The following CELF2 variants were observed in gnomAD, a reference collection of about 807,000 sequenced individuals.
CELF2 encodes CUG triplet repeat RNA-binding protein 2.
CELF2 carries 8 observed loss-of-function variants against 62.6 expected under a neutral mutation model. That is an observed-to-expected ratio of 0.13 (90% confidence interval 0.07 to 0.23). The LOEUF (loss-of-function observed/expected upper bound fraction) is 0.23. Among genes scored for constraint, CELF2 ranks in the 10% least tolerant of loss-of-function variants. CELF2 has a pLI of 1.00. For synonymous variants in CELF2, 258 were observed against 250.0 expected (o/e 1.03, Z -0.30); for missense variants, 333 against 671.0 (o/e 0.50, Z 5.56).
At chr10:11,073,104 T>C (rs1039846629) in intron 1 of CELF2, among the ~76,000 whole-genome samples, 4 of 152,162 alleles carry the variant, frequency 2.6e-5, no homozygotes, top group African/African-American at 9.7e-5. Flanking sequence ...TACCAAAATA[T>C]TAACATGTCA....
the CELF2 span, among the ~76,000 whole-genome samples, chr10:10,714,848 C>T: frequency 5.3e-5 from 8 of 151,300 alleles, no homozygotes; most frequent in African/African-American, 7.3e-5. Context: ...CCACTCCAAA[C>T]GAACTTAATA....
rs188069911 is a variant in CELF2 at position 11,064,848 on chromosome 10, T to C, written c.74+46685T>C. Among the ~76,000 whole-genome samples, 26 of 152,302 alleles carry C rather than the reference T, an allele frequency of 1.7e-4. No individual in the cohort carries two copies. In the East Asian group the frequency reaches 3.9e-3, roughly 23 times the overall value. On this transcript the variant is annotated intron_variant, in intron 1 of 12. Coordinates refer to ENST00000633077, the MANE Select transcript of CELF2 (RefSeq NM_001326342.2). ...TGCTTGAGCTGGGATAAACCTGGCA[T>C]AGTACAAACCCTCCGGTAGTCAGGG...
At chr10:10,767,664 C>T in the CELF2 span, among the ~76,000 whole-genome samples, 4 of 152,118 alleles carry the variant, frequency 2.6e-5, no homozygotes, top group Admixed American at 2.0e-4. Flanking sequence ...TGAATCACTT[C>T]ATCTTCAGAC....
intron 11 of CELF2, among the ~76,000 whole-genome samples, chr10:11,323,513 G>A (rs796561956): frequency 5.3e-4 from 80 of 151,952 alleles, no homozygotes; most frequent in African/African-American, 1.9e-3. Flanking sequence ...GCGAGACCTG[G>A]TGTGTTTTTT....
Position 11,217,497 on chromosome 10 carries a change from C to G in CELF2, c.344C>G (p.Thr115Ser). The G allele has an allele frequency of 4.3e-6, 7 of 1,609,250 alleles. No individual in the cohort carries two copies. Among genetic ancestry groups the G allele is most frequent in the Non-Finnish European group, 6.0e-6 (7 of 1,176,430 alleles). ...EAQNALHNIK[T>S]LPGMHHPIQM... ...CAGAATGCACTGCACAATATTAAAA[C>G]TTTACCTGGGGTGAGTCGGTTTACT... Residue 115 changes from threonine (T) to serine (S), a missense_variant, in exon 3 of 13, where the codon ACT becomes AGT. Around this residue, in one of 3 missense-constraint regions of CELF2, gnomAD observed 253 missense variants for 503.0 expected, o/e 0.50. Transcript: ENST00000633077. This position sits in a 1 kb window ranked among gnomAD's most constrained non-coding sequence, Gnocchi z 5.6.
Position 11,203,818 on chromosome 10 carries a change from C to T in CELF2, c.272-13607C>T, listed in dbSNP as rs117760504. On this transcript the variant is annotated intron_variant, in intron 2 of 12. Coordinates refer to ENST00000633077, the MANE Select transcript of CELF2 (RefSeq NM_001326342.2). ...GGACATCCCCTCTTGCCCCATGACCCGCGTTCTCACCATGGAAACTCTTAT... is the reference window on the plus strand; with the variant it reads ...GGACATCCCCTCTTGCCCCATGACCTGCGTTCTCACCATGGAAACTCTTAT... Among the ~76,000 whole-genome samples the T allele has an allele frequency of 9.9e-4, 151 of 152,310 alleles. 2 individuals carry two copies. In the East Asian group the frequency reaches 0.026, roughly 26 times the overall value.
chr10:10,818,749 G>A (rs1029500033), intron 1 of CELF2, among the ~76,000 whole-genome samples: 1 of 151,932 alleles, frequency 6.6e-6, no homozygotes, highest in African/African-American at 2.4e-5. Flanking sequence ...GCCAATTTTT[G>A]TGTTTTTTAG....
At chr10:10,755,807 A>C in the CELF2 span, among the ~76,000 whole-genome samples, 1 of 152,188 alleles carries the variant, frequency 6.6e-6, no homozygotes, top group Non-Finnish European at 1.5e-5. Flanking sequence ...CAGCCAGTAC[A>C]TTAATACAAC....
the CELF2 span, among the ~76,000 whole-genome samples, chr10:10,563,531 CCA>C: frequency 3.3e-5 from 5 of 151,242 alleles, no homozygotes; most frequent in Non-Finnish European, 5.9e-5. Flanking sequence ...TCGCTTGAAC[CCA>C]GGAGACGGAG....
At position 11,178,803 on chromosome 10, in the gene CELF2, GC is replaced by G. The variant is rs2072201049; in HGVS notation, c.271+13123del. 6.6e-6 allele frequency among the ~76,000 whole-genome samples: 1 copy of G among 152,208 alleles called. No homozygotes were observed. Among genetic ancestry groups the G allele is most frequent in the Admixed American group, 6.5e-5 (1 of 15,282 alleles). ...TCTGTGGCTTTCTCCCCCTGCATTAGCCGCAGAGCTGAGTGAGTCTATGAAA... is the reference window on the plus strand; with the variant it reads ...TCTGTGGCTTTCTCCCCCTGCATTAGCGCAGAGCTGAGTGAGTCTATGAAA... On this transcript the variant is annotated intron_variant, in intron 2 of 12. Transcript: ENST00000633077. This position sits in a 1 kb window ranked among gnomAD's most constrained non-coding sequence, Gnocchi z 4.3.
chr10:11,218,056 T>G (rs1057201265), intron 3 of CELF2, among the ~76,000 whole-genome samples: 4 of 152,252 alleles, frequency 2.6e-5, no homozygotes, highest in African/African-American at 9.6e-5. Flanking sequence ...ACAATTTTTT[T>G]CTCCGTTTCC....
chr10:11,073,093 A>G (rs2070675654), intron 1 of CELF2, among the ~76,000 whole-genome samples: 1 of 152,212 alleles, frequency 6.6e-6, no homozygotes, highest in Admixed American at 6.5e-5. Context: ...TAATATAATT[A>G]TACCAAAATA....
chr10:11,196,453 G>C (rs1161810576), intron 2 of CELF2, among the ~76,000 whole-genome samples: 1 of 151,318 alleles, frequency 6.6e-6, no homozygotes, highest in Non-Finnish European at 1.5e-5. Context: ...CTTAAGCCCA[G>C]GAGTTGGCAA....
chr10:10,619,734 A>G, the CELF2 span, among the ~76,000 whole-genome samples: 9 of 152,348 alleles, frequency 5.9e-5, no homozygotes, highest in East Asian at 1.4e-3. Flanking sequence ...AATCTTGAAG[A>G]TAGGAGAAGT....
At chr10:10,698,130 A>G in the CELF2 span, among the ~76,000 whole-genome samples, 1 of 152,220 alleles carries the variant, frequency 6.6e-6, no homozygotes, top group South Asian at 2.1e-4. Context: ...GTGTGATAAC[A>G]TCAAGCCATA....
At chr10:10,531,021 A>G in the CELF2 span, among the ~76,000 whole-genome samples, 1 of 152,176 alleles carries the variant, frequency 6.6e-6, no homozygotes, top group African/African-American at 2.4e-5. Flanking sequence ...TTAGCACATA[A>G]AATCATGGTT....
intron 5 of CELF2, among the ~76,000 whole-genome samples, chr10:11,263,776 T>G (rs2081395739): frequency 6.6e-6 from 1 of 152,326 alleles, no homozygotes; most frequent in African/African-American, 2.4e-5. Context: ...ACCCATGTGT[T>G]TTCAGTGGTG....
rs1480990956 is a variant in CELF2, at chr10:11,018,170, G to C, written c.74+7G>C. ...TGCTCGTTCCTGACAGAATGTGAGT[G>C]GCGCCGCGTCCCGAGGCCGGGCGAG... On this transcript the variant is annotated splice_region_variant and intron_variant, in intron 1 of 12. Transcript: ENST00000633077. 1 of 1,518,092 alleles carries C rather than the reference G, an allele frequency of 6.6e-7. No homozygotes were observed. The highest frequency in any genetic ancestry group is 8.9e-7 in the Non-Finnish European group (1 of 1,129,856). 94.0% of individuals were successfully genotyped at this position (1,518,092 alleles called of 1,614,324 possible).
chr10:11,276,524 C>T (rs1437192597), intron 8 of CELF2, among the ~76,000 whole-genome samples: 1 of 152,176 alleles, frequency 6.6e-6, no homozygotes, highest in Non-Finnish European at 1.5e-5. Context: ...GTAAAATATT[C>T]AGGGGATTTT....
Sources: allele counts gnomAD v4.1 joint callset (sites outside exome capture counted in the v4.1 genomes callset), GRCh38; gene constraint gnomAD v4.1.1; regional missense constraint gnomAD v4.1.1; non-coding constraint Gnocchi (gnomAD v3.1); transcripts MANE v1.5; gene names NCBI Gene and HGNC (gene_info 2026-07-23, HGNC 2026-07-21).